SRPRA: variants seen among roughly 807,000 people sequenced by gnomAD.
SRPRA encodes SRP receptor subunit alpha.
SRPRA carries 30 observed loss-of-function variants against 61.1 expected under a neutral mutation model. The ratio of observed to expected loss-of-function variants is 0.49; its 90% CI spans 0.37 to 0.67. The LOEUF is 0.67. SRPRA is among the 30% of genes least tolerant of loss of function. SRPRA has a pLI of 0.00. For synonymous variants in SRPRA, 324 were observed against 299.7 expected (o/e 1.08, Z -0.84); for missense variants, 759 against 828.4 (o/e 0.92, Z 1.03).
downstream of SRPRA, among the ~76,000 whole-genome samples, chr11:126,258,954 C>CT (rs1289657433): frequency 6.6e-6 from 1 of 152,152 alleles, no homozygotes; most frequent in Admixed American, 6.5e-5. Flanking sequence ...GGCACAAATT[C>CT]TTTTATTAGC....
the SRPRA span, among the ~76,000 whole-genome samples, chr11:126,238,772 T>G: frequency 6.6e-6 from 1 of 152,110 alleles, no homozygotes; most frequent in African/African-American, 2.4e-5. Flanking sequence ...TTCCCAAAAT[T>G]CTACCAAGGG....
At chr11:126,258,350 G>C (rs1185611524), downstream of SRPRA, among the ~76,000 whole-genome samples, 3 of 152,152 alleles carry the variant, frequency 2.0e-5, no homozygotes, top group East Asian at 5.8e-4. Flanking sequence ...TTGCATCACT[G>C]CCCTACAGTC....
Position 126,264,102 on chromosome 11 carries a change from A to G in SRPRA, c.1789-58T>C. 2 of 1,613,056 alleles carry G rather than the reference A, an allele frequency of 1.2e-6. No homozygotes were observed. Among genetic ancestry groups the G allele is most frequent in the Non-Finnish European group, 1.7e-6 (2 of 1,179,254 alleles). On this transcript the variant is annotated intron_variant, in intron 13 of 13. Coordinates refer to ENST00000332118, the MANE Select transcript of SRPRA (RefSeq NM_003139.4). The surrounding 1 kb of genome is among the most constrained non-coding windows in gnomAD (Gnocchi z 5.0). ...AAGCCCACTTTTCACTCACCCTCTC[A>G]GGAACAGGAAGCGCTGGAGCCAAGA...
In SRPRA at chr11:126,264,905, C is replaced by A. The variant is rs1950775865; in HGVS notation, c.1525+54G>T. ...TGATCTTCTGCAAATTCCAAGAGAA[C>A]CCAAGGAGAAAAAGGGACCCCAAAT... is the stretch of plus-strand genomic sequence containing the variant. On this transcript the variant is annotated intron_variant, in intron 11 of 13. Transcript: ENST00000332118. The surrounding 1 kb of genome is among the most constrained non-coding windows in gnomAD (Gnocchi z 5.0). 1 of 1,527,580 alleles carries A rather than the reference C, an allele frequency of 6.5e-7. No homozygotes were observed. The highest frequency in any genetic ancestry group is 8.9e-7 in the Non-Finnish European group (1 of 1,126,762). The allele number at this position is 1,527,580 out of a possible 1,614,324, so 94.6% of individuals were successfully genotyped here.
At chr11:126,240,656 A>G in the SRPRA span, 1 of 811,380 alleles carries the variant, frequency 1.2e-6, no homozygotes, top group East Asian at 2.5e-5. Context: ...TGCTTTGGAA[A>G]GGTGTCAAAA....
chr11:126,264,935 C>A lies in SRPRA; in HGVS notation c.1525+24G>T. On this transcript the variant is annotated intron_variant, in intron 11 of 13. Transcript: ENST00000332118. This position sits in a 1 kb window ranked among gnomAD's most constrained non-coding sequence, Gnocchi z 5.0. ...GGAGAAAAAGGGACCCCAAATAAGC[C>A]CCCACACTTCCCATGCACTGTACCA... 1 of 1,601,780 alleles carries A rather than the reference C, an allele frequency of 6.2e-7. No homozygotes were observed. The highest frequency in any genetic ancestry group is 8.5e-7 in the Non-Finnish European group (1 of 1,173,912).
the SRPRA span, chr11:126,250,762 C>T: frequency 2.0e-6 from 3 of 1,508,328 alleles, no homozygotes; most frequent in South Asian, 1.2e-5. The surrounding 1 kb of genome is among the most constrained non-coding windows in gnomAD (Gnocchi z 5.1). Flanking sequence ...GTCCCTTCTT[C>T]AGGCTAGTGG....
In SRPRA at chr11:126,266,904, G is replaced by A; in HGVS notation, c.545C>T (p.Ala182Val). Residue 182 changes from alanine to valine, a missense_variant, in exon 5 of 14, where the codon GCT (alanine) becomes GTT (valine). Ala to Val is a moderately conservative substitution (Grantham distance 64). Transcript: ENST00000332118. The stretch of plus-strand genomic sequence containing the variant: ...TTCTGCAGGGACTGGTTTGCTGGTA[G>A]CCAAAGGACCATCAGAACCTGTTGG... ...AKKEGSDGPL[A>V]TSKPVPAEKS... The A allele has an allele frequency of 6.2e-7, 1 of 1,613,666 alleles. No homozygotes were observed. The highest frequency in any genetic ancestry group is 8.5e-7 in the Non-Finnish European group (1 of 1,179,872).
In SRPRA at chr11:126,267,892, C is replaced by T; in HGVS notation, c.201+111G>A. The T allele has an allele frequency of 1.4e-6, 2 of 1,415,496 alleles. No homozygotes were observed. Among genetic ancestry groups the T allele is most frequent in the South Asian group, 1.2e-5 (1 of 81,118 alleles). 87.7% of individuals were successfully genotyped at this position (1,415,496 alleles called of 1,614,324 possible). A position where few individuals can be genotyped will look rare whatever the true frequency, so the allele number is the denominator to read the frequency against. On this transcript the variant is annotated intron_variant, in intron 2 of 13. Transcript: ENST00000332118. The surrounding 1 kb of genome is among the most constrained non-coding windows in gnomAD (Gnocchi z 4.2). ...CTGCTGTTTTCCCCCATCTACCTTT[C>T]TAGTTTTTTCAGTTACGTCATCATA... is the stretch of plus-strand genomic sequence containing the variant.
rs1480435941 is a variant in SRPRA, at chr11:126,264,168, C to T, written c.1788+23G>A. The T allele has an allele frequency of 6.2e-7, 1 of 1,612,982 alleles. No individual in the cohort carries two copies. Among genetic ancestry groups the T allele is most frequent in the Non-Finnish European group, 8.5e-7 (1 of 1,179,258 alleles). ...AGCTCCTTTGTGCAGGACGCCCATT[C>T]CAGCCTCCAGTCTCACGTTTACCTT... On this transcript the variant is annotated intron_variant, in intron 13 of 13. Transcript: ENST00000332118. This position sits in a 1 kb window ranked among gnomAD's most constrained non-coding sequence, Gnocchi z 5.0.
the SRPRA span, chr11:126,256,986 C>G: frequency 1.1e-5 from 10 of 890,110 alleles, no homozygotes; most frequent in Non-Finnish European, 1.7e-5. This position sits in a 1 kb window ranked among gnomAD's most constrained non-coding sequence, Gnocchi z 6.6. Flanking sequence ...AAGGAGGCCA[C>G]AGTCTTCAGG....
the SRPRA span, among the ~76,000 whole-genome samples, chr11:126,237,622 G>A: frequency 7.1e-6 from 1 of 140,018 alleles, no homozygotes; most frequent in Non-Finnish European, 1.5e-5. Flanking sequence ...AGATCGTGAG[G>A]TCAGGAGATC....
At chr11:126,239,028 A>T in the SRPRA span, among the ~76,000 whole-genome samples, 1 of 145,860 alleles carries the variant, frequency 6.9e-6, no homozygotes, top group African/African-American at 2.6e-5. Context: ...GCTGGAGTGC[A>T]GTGGCACAAA....
At chr11:126,237,215 CTTTTTTT>C in the SRPRA span, among the ~76,000 whole-genome samples, 2 of 43,100 alleles carry the variant, frequency 4.6e-5, no homozygotes, top group Non-Finnish European at 8.0e-5. Context: ...CGCGCCTGGC[CTTTTTTT>C]TTTTTTTTTT....
chr11:126,245,983 C>A, the SRPRA span, among the ~76,000 whole-genome samples: 1 of 142,792 alleles, frequency 7.0e-6, no homozygotes. Flanking sequence ...GCAACAGGTA[C>A]GAGACTCCGT....
chr11:126,254,793 C>T, the SRPRA span, among the ~76,000 whole-genome samples: 2 of 152,186 alleles, frequency 1.3e-5, no homozygotes, highest in South Asian at 4.1e-4. Flanking sequence ...AGCCACTGCA[C>T]TCCAGCTTGG....
At position 126,266,197 on chromosome 11, in the gene SRPRA, T is replaced by C. The variant is rs199942610; in HGVS notation, c.922A>G (p.Thr308Ala). 8 of 1,614,110 alleles carry C rather than the reference T, an allele frequency of 5.0e-6. No individual in the cohort carries two copies. In the East Asian group the frequency reaches 8.9e-5, roughly 18 times the overall value. ...CTGAAATTCCCCTACCTAGGTTTGGTAGAGTTTTGAGCAGCCCCTTCGTCA... is the reference window on the plus strand; with the variant it reads ...CTGAAATTCCCCTACCTAGGTTTGGCAGAGTTTTGAGCAGCCCCTTCGTCA... ...SDDEGAAQNSTKPSATKGTLG... is the reference protein window; with the variant it reads ...SDDEGAAQNSAKPSATKGTLG... Residue 308 changes from threonine (T) to alanine (A), a missense_variant, in exon 7 of 14, where the codon ACC becomes GCC. By Grantham distance (58) the Thr-to-Ala change is moderately conservative. Around this residue, in one of 2 missense-constraint regions of SRPRA, gnomAD observed 475 missense variants for 462.5 expected, o/e 1.03. Transcript: ENST00000332118.
the SRPRA span, among the ~76,000 whole-genome samples, chr11:126,247,947 TCTGA>T: frequency 6.9e-6 from 1 of 145,696 alleles, no homozygotes; most frequent in East Asian, 2.0e-4. Flanking sequence ...ATTTTTGTAC[TCTGA>T]CTCACAGACA....
chr11:126,241,618 C>T, the SRPRA span, among the ~76,000 whole-genome samples: 5 of 152,010 alleles, frequency 3.3e-5, no homozygotes, highest in Middle Eastern at 3.4e-3. Flanking sequence ...GGTTCGATCT[C>T]GCCTCATGGC....
Sources: allele counts gnomAD v4.1 joint callset (sites outside exome capture counted in the v4.1 genomes callset), GRCh38; gene constraint gnomAD v4.1.1; regional missense constraint gnomAD v4.1.1; non-coding constraint Gnocchi (gnomAD v3.1); transcripts MANE v1.5; gene names NCBI Gene and HGNC (gene_info 2026-07-23, HGNC 2026-07-21).